ZBBX: variants seen among roughly 807,000 people sequenced by gnomAD.
ZBBX encodes the protein zinc finger B-box domain-containing protein 1.
In ZBBX, 101 loss-of-function variants were observed where a neutral mutation model predicts 108.5. The observed-to-expected ratio is 0.93, with a 90% confidence interval of 0.79 to 1.10. The LOEUF (loss-of-function observed/expected upper bound fraction) is 1.10, where lower values mean the gene tolerates loss of function less well. ZBBX is among the 50% of genes least tolerant of loss of function. The probability of loss-of-function intolerance (pLI) is 0.00; values close to 1 mark genes in which losing one functional copy is unlikely to be tolerated. For synonymous variants in ZBBX, 356 were observed against 323.4 expected (o/e 1.10, Z -1.08); for missense variants, 1,009 against 941.4 (o/e 1.07, Z -0.94).
chr3:167,379,909 A>T (rs1384539634), intron 1 of ZBBX, 117 bp from the exon 2 acceptor site: 3 of 152,300 alleles, frequency 2.0e-5, no homozygotes. Context: ...GAAGGGGTAC[A>T]ACTGATGAAG....
intron 1 of ZBBX, among the ~76,000 whole-genome samples, chr3:167,405,451 G>A (rs140576381): frequency 3.9e-5 from 6 of 152,222 alleles, no homozygotes; most frequent in African/African-American, 7.2e-5. Context: ...AGATAATGTC[G>A]AAGCGAGATA....
the ZBBX span, among the ~76,000 whole-genome samples, chr3:167,208,684 C>A: frequency 6.6e-6 from 1 of 152,138 alleles, no homozygotes; most frequent in Non-Finnish European, 1.5e-5. Context: ...TTCCCATAGG[C>A]TTAGATGAGA....
chr3:167,268,288 C>G (rs924085337), intron 20 of ZBBX, among the ~76,000 whole-genome samples: 1 of 151,606 alleles, frequency 6.6e-6, no homozygotes, highest in African/African-American at 2.4e-5. Context: ...AGTTACACAC[C>G]TGGGTTGAGT....
chr3:167,284,842 T>C (rs1729433723), intron 19 of ZBBX, among the ~76,000 whole-genome samples: 1 of 152,128 alleles, frequency 6.6e-6, no homozygotes. Flanking sequence ...TAAGCCAATA[T>C]ATCATTCTTT....
intron 19 of ZBBX, among the ~76,000 whole-genome samples, chr3:167,284,729 T>C (rs1265701926): frequency 6.6e-6 from 1 of 152,164 alleles, no homozygotes; most frequent in Non-Finnish European, 1.5e-5. Context: ...ACAGACCATC[T>C]TTCTTACTGG....
intron 11 of ZBBX, among the ~76,000 whole-genome samples, chr3:167,326,242 C>T (rs529322820): frequency 1.4e-3 from 208 of 152,122 alleles, no homozygotes; most frequent in Non-Finnish European, 2.4e-3. Context: ...TTGCCCATTA[C>T]AGAATCTCAG....
intron 9 of ZBBX, among the ~76,000 whole-genome samples, chr3:167,346,229 T>C (rs1236694525): frequency 3.3e-5 from 5 of 151,914 alleles, no homozygotes. Flanking sequence ...CTCTCATGCA[T>C]TTATGCCTCA....
At chr3:167,315,179 CT>C (rs1735232589) in intron 15 of ZBBX, among the ~76,000 whole-genome samples, 1 of 152,242 alleles carries the variant, frequency 6.6e-6, no homozygotes. Flanking sequence ...CAGAAAGTAA[CT>C]GTTTTAACAT....
intron 5 of ZBBX, among the ~76,000 whole-genome samples, chr3:167,367,480 A>G (rs1443223496): frequency 6.6e-6 from 1 of 151,780 alleles, no homozygotes; most frequent in African/African-American, 2.4e-5. Flanking sequence ...AATTAGGCTA[A>G]TTTTCTTATC....
At chr3:167,397,167 T>A (rs1370877200) in intron 1 of ZBBX, among the ~76,000 whole-genome samples, 13 of 67,720 alleles carry the variant, frequency 1.9e-4, no homozygotes, top group African/African-American at 3.3e-4. Flanking sequence ...AAAAAAAAAA[T>A]CTGACTCCTT....
chr3:167,361,120 G>A (rs1309919065), intron 6 of ZBBX, among the ~76,000 whole-genome samples: 2 of 151,926 alleles, frequency 1.3e-5, no homozygotes, highest in Non-Finnish European at 2.9e-5. Context: ...AAACTGAATT[G>A]TGACTAAGCT....
At chr3:167,330,046 T>C (rs909643356) in intron 10 of ZBBX, among the ~76,000 whole-genome samples, 1 of 152,204 alleles carries the variant, frequency 6.6e-6, no homozygotes. Context: ...TATTTTAGCA[T>C]ATACTGGCAA....
the ZBBX span, among the ~76,000 whole-genome samples, chr3:167,208,736 C>G: frequency 6.6e-6 from 1 of 152,174 alleles, no homozygotes; most frequent in East Asian, 1.9e-4. Flanking sequence ...AGTGCATACC[C>G]AGCTGTGATA....
At chr3:167,299,654 T>C (rs1732302498) in intron 17 of ZBBX, among the ~76,000 whole-genome samples, 1 of 152,178 alleles carries the variant, frequency 6.6e-6, no homozygotes, top group African/African-American at 2.4e-5. Context: ...TAGTACTTAA[T>C]TCCGTAGGAA....
At chr3:167,204,127 A>T in the ZBBX span, among the ~76,000 whole-genome samples, 1 of 151,990 alleles carries the variant, frequency 6.6e-6, no homozygotes. Flanking sequence ...AATCATCCAC[A>T]GAAGTTCTCT....
At chr3:167,397,489 T>A (rs1230729464) in intron 1 of ZBBX, among the ~76,000 whole-genome samples, 1 of 152,016 alleles carries the variant, frequency 6.6e-6, no homozygotes, top group African/African-American at 2.4e-5. Context: ...TACTTTATCT[T>A]CTTCGAAAGA....
chr3:167,234,057 C>T, the ZBBX span, among the ~76,000 whole-genome samples: 1 of 151,724 alleles, frequency 6.6e-6, no homozygotes, highest in Admixed American at 6.6e-5. Flanking sequence ...TCAGGAAACC[C>T]TAAGTGTCCC....
At chr3:167,296,485 A>G (rs1731710495) in intron 18 of ZBBX, among the ~76,000 whole-genome samples, 1 of 152,082 alleles carries the variant, frequency 6.6e-6, no homozygotes, top group African/African-American at 2.4e-5. Context: ...AGAAAACACT[A>G]AAGATTCCAC....
At chr3:167,268,684 T>C (rs1417560418) in intron 20 of ZBBX, among the ~76,000 whole-genome samples, 1 of 152,110 alleles carries the variant, frequency 6.6e-6, no homozygotes, top group Non-Finnish European at 1.5e-5. Flanking sequence ...ACTTTGTCAC[T>C]AAGAGTTGGC....
Sources: gnomAD v4.1 joint callset for allele counts (sites outside exome capture counted in the v4.1 genomes callset) on GRCh38, gnomAD v4.1.1 for gene constraint, MANE v1.5 for transcripts, NCBI Gene and HGNC (gene_info 2026-07-23, HGNC 2026-07-21) for gene names.